BRINP3: variants seen among roughly 807,000 people sequenced by gnomAD.
BRINP3 encodes BMP/retinoic acid-inducible neural-specific protein 3.
BRINP3 carries 19 observed loss-of-function variants against 71.0 expected under a neutral mutation model. The observed-to-expected ratio is 0.27, with a 90% CI of 0.19 to 0.39. The LOEUF is 0.39. Among genes scored for constraint, BRINP3 ranks in the 10% least tolerant of loss-of-function variants. The probability of loss-of-function intolerance (pLI) is 1.00; values close to 1 mark genes in which losing one functional copy is unlikely to be tolerated. For synonymous variants in BRINP3, 380 were observed against 337.7 expected (o/e 1.13, Z -1.37); for missense variants, 959 against 940.8 (o/e 1.02, Z -0.25).
chr1:190,194,643 C>T (rs556198904), intron 6 of BRINP3, among the ~76,000 whole-genome samples: 6 of 151,782 alleles, frequency 4.0e-5, no homozygotes, highest in Non-Finnish European at 8.8e-5. Flanking sequence ...ATTTTTTTTC[C>T]TATTTACTAT....
At chr1:190,379,997 CAAAAAAA>C (rs34329313) in intron 2 of BRINP3, among the ~76,000 whole-genome samples, 1 of 100,904 alleles carries the variant, frequency 9.9e-6, no homozygotes, top group South Asian at 3.7e-4. Flanking sequence ...GACTCCACCT[CAAAAAAA>C]AAAAAAAAGA....
chr1:190,353,569 A>AT (rs550199400), intron 2 of BRINP3, among the ~76,000 whole-genome samples: 2 of 152,046 alleles, frequency 1.3e-5, no homozygotes, highest in East Asian at 3.9e-4. Context: ...TTCAAACAAA[A>AT]TTTTGGCTAT....
intron 6 of BRINP3, among the ~76,000 whole-genome samples, chr1:190,172,399 C>T (rs1423547325): frequency 2.0e-5 from 3 of 151,628 alleles, no homozygotes; most frequent in Non-Finnish European, 4.4e-5. Context: ...TTGAATTAAC[C>T]AAATGTGCTA....
At chr1:190,159,850 C>A (rs1488475720) in intron 7 of BRINP3, among the ~76,000 whole-genome samples, 1 of 151,812 alleles carries the variant, frequency 6.6e-6, no homozygotes, top group East Asian at 1.9e-4. Context: ...CCAATGTTTT[C>A]TTTTTAAATG....
chr1:190,300,995 T>A (rs1224948552), intron 2 of BRINP3, among the ~76,000 whole-genome samples: 2 of 151,728 alleles, frequency 1.3e-5, no homozygotes, highest in Non-Finnish European at 2.9e-5. Context: ...CGGGAGGACA[T>A]TCAAAGCAAA....
At chr1:190,222,484 T>A (rs1173284344) in intron 6 of BRINP3, among the ~76,000 whole-genome samples, 1 of 151,460 alleles carries the variant, frequency 6.6e-6, no homozygotes, top group African/African-American at 2.4e-5. Context: ...ACAATGAACC[T>A]CAACGAACGA....
chr1:190,369,522 G>A (rs1669722495), intron 2 of BRINP3, among the ~76,000 whole-genome samples: 1 of 151,952 alleles, frequency 6.6e-6, no homozygotes, highest in Non-Finnish European at 1.5e-5. Flanking sequence ...AAAAATTTTA[G>A]AATATTGAAA....
At chr1:190,394,906 T>G (rs1293498841) in intron 2 of BRINP3, among the ~76,000 whole-genome samples, 1 of 151,676 alleles carries the variant, frequency 6.6e-6, no homozygotes, top group Non-Finnish European at 1.5e-5. Flanking sequence ...GTTGAATGCA[T>G]GTGGAATTGC....
At position 190,219,196 on chromosome 1, in the gene BRINP3, G is replaced by T. The variant is rs111442455; in HGVS notation, c.961+6886C>A. Among the ~76,000 whole-genome samples, 484 of 152,130 alleles carry T rather than the reference G, an allele frequency of 3.2e-3. 4 individuals are homozygous for T. Among genetic ancestry groups the T allele is most frequent in the African/African-American group, 0.011 (457 of 41,518 alleles). ...AATTAATCCTTCAATGCAATTCACA[G>T]ACATTTACCCATAAGAAACAACAGC... On this transcript the variant is annotated intron_variant, in intron 6 of 7. Transcript: ENST00000367462.
At chr1:190,334,410 A>G (rs1462428771) in intron 2 of BRINP3, among the ~76,000 whole-genome samples, 2 of 151,988 alleles carry the variant, frequency 1.3e-5, no homozygotes, top group Admixed American at 1.3e-4. Flanking sequence ...GGAAAAATCA[A>G]CACGAGAAAC....
At chr1:190,373,259 G>A (rs1669974823) in intron 2 of BRINP3, among the ~76,000 whole-genome samples, 1 of 151,926 alleles carries the variant, frequency 6.6e-6, no homozygotes, top group African/African-American at 2.4e-5. Context: ...GCGTGGTGGT[G>A]CATGCCTGTA....
At chr1:190,420,532 C>CA (rs1673307589) in intron 2 of BRINP3, among the ~76,000 whole-genome samples, 3 of 151,992 alleles carry the variant, frequency 2.0e-5, no homozygotes, top group East Asian at 1.9e-4. Context: ...TCACATTTCA[C>CA]AAAAAATGTC....
intron 6 of BRINP3, among the ~76,000 whole-genome samples, chr1:190,166,891 T>C (rs537034037): frequency 1.3e-5 from 2 of 151,800 alleles, no homozygotes; most frequent in African/African-American, 4.8e-5. Context: ...TTCCGGCTAG[T>C]TTTTTATATT....
chr1:190,349,691 A>G (rs1457558902), intron 2 of BRINP3, among the ~76,000 whole-genome samples: 1 of 152,120 alleles, frequency 6.6e-6, no homozygotes, highest in Non-Finnish European at 1.5e-5. Context: ...TAACCTACAG[A>G]AGCATGTGAC....
chr1:190,175,195 G>C (rs755534886), intron 6 of BRINP3, among the ~76,000 whole-genome samples: 5 of 152,060 alleles, frequency 3.3e-5, no homozygotes, highest in Non-Finnish European at 7.4e-5. Context: ...AACACCACTG[G>C]CAATATTAAA....
chr1:190,199,261 G>A (rs948231246), intron 6 of BRINP3, among the ~76,000 whole-genome samples: 56 of 152,146 alleles, frequency 3.7e-4, no homozygotes, highest in African/African-American at 1.3e-3. Context: ...GATAAGATTT[G>A]CGTAAGGACA....
chr1:190,181,142 A>G (rs1652995210), intron 6 of BRINP3, among the ~76,000 whole-genome samples: 1 of 152,110 alleles, frequency 6.6e-6, no homozygotes, highest in African/African-American at 2.4e-5. Flanking sequence ...TGTAATACAC[A>G]TGAAATCAGA....
At chr1:190,354,072 T>C (rs1221854414) in intron 2 of BRINP3, among the ~76,000 whole-genome samples, 1 of 152,008 alleles carries the variant, frequency 6.6e-6, no homozygotes, top group Non-Finnish European at 1.5e-5. Context: ...GTCTCATTTC[T>C]CTGTCACCAT....
intron 6 of BRINP3, among the ~76,000 whole-genome samples, chr1:190,213,467 C>T (rs1656155095): frequency 6.6e-6 from 1 of 151,974 alleles, no homozygotes; most frequent in African/African-American, 2.4e-5. Flanking sequence ...CTGAATTTGA[C>T]AGCATGAATA....
Sources: gnomAD v4.1 joint callset for allele counts (sites outside exome capture counted in the v4.1 genomes callset) on GRCh38, gnomAD v4.1.1 for gene constraint, MANE v1.5 for transcripts, NCBI Gene and HGNC (gene_info 2026-07-23, HGNC 2026-07-21) for gene names.